GRHL2: variants seen among roughly 807,000 people sequenced by gnomAD.
GRHL2 encodes the protein grainyhead-like protein 2 homolog.
Under a neutral mutation model 83.8 loss-of-function variants are expected in GRHL2, and 21 were observed. The ratio of observed to expected loss-of-function variants is 0.25; its 90% CI spans 0.18 to 0.36. The LOEUF is 0.36. Ranked by LOEUF, GRHL2 falls within the 10% of genes least tolerant of loss-of-function variation. GRHL2 has a pLI of 1.00. For missense variants in GRHL2, 623 were observed against 781.8 expected (o/e 0.80, Z 2.42); for synonymous variants, 280 against 278.9 (o/e 1.00, Z -0.04).
chr8:101,677,221 T>TAATAAG, the GRHL2 span, among the ~76,000 whole-genome samples: 1 of 151,338 alleles, frequency 6.6e-6, no homozygotes, highest in Non-Finnish European at 1.5e-5. Context: ...ACAATAATAA[T>TAATAAG]AATAAAAATA....
the GRHL2 span, among the ~76,000 whole-genome samples, chr8:101,678,008 G>A: frequency 3.3e-5 from 5 of 151,844 alleles, no homozygotes; most frequent in South Asian, 2.1e-4. Context: ...CTGTTTCTTC[G>A]GCCACCTCAA....
intron 14 of GRHL2, among the ~76,000 whole-genome samples, chr8:101,662,930 A>G (rs1813954856): frequency 6.6e-6 from 1 of 151,682 alleles, no homozygotes. Flanking sequence ...GCAACTTGGT[A>G]TTTTCTCCTC....
chr8:101,504,200 G>A (rs1490285401), intron 1 of GRHL2, among the ~76,000 whole-genome samples: 11 of 152,256 alleles, frequency 7.2e-5, no homozygotes, highest in Middle Eastern at 3.4e-3. Flanking sequence ...GGAATGCCAC[G>A]CTGCCCTTCA....
intron 7 of GRHL2, among the ~76,000 whole-genome samples, chr8:101,582,294 A>G (rs1417380074): frequency 2.0e-5 from 3 of 152,048 alleles, no homozygotes; most frequent in Non-Finnish European, 2.9e-5. Flanking sequence ...TAACACTATT[A>G]GCCAAGGTGG....
chr8:101,657,143 G>A (rs1263462435), intron 14 of GRHL2, among the ~76,000 whole-genome samples: 1 of 152,154 alleles, frequency 6.6e-6, no homozygotes, highest in African/African-American at 2.4e-5. Context: ...GGCCACCTAG[G>A]CAGCATTTAC....
At chr8:101,551,203 T>C (rs1382568518) in intron 2 of GRHL2, among the ~76,000 whole-genome samples, 1 of 152,234 alleles carries the variant, frequency 6.6e-6, no homozygotes, top group Non-Finnish European at 1.5e-5. Flanking sequence ...ACATGAATGA[T>C]TTATAATTGA....
intron 1 of GRHL2, among the ~76,000 whole-genome samples, chr8:101,510,558 T>A (rs567389): frequency 0.98 from 149,331 of 152,268 alleles, 73,315 homozygotes; most frequent in Non-Finnish European, 1. Flanking sequence ...AAAGATTTTT[T>A]GATCATTTCC....
At chr8:101,656,298 G>A (rs1813784646) in intron 14 of GRHL2, among the ~76,000 whole-genome samples, 1 of 152,208 alleles carries the variant, frequency 6.6e-6, no homozygotes, top group Non-Finnish European at 1.5e-5. Flanking sequence ...ACTGAGTGCT[G>A]TGGGTGGTGT....
chr8:101,665,507 C>G (rs952322157), intron 15 of GRHL2, among the ~76,000 whole-genome samples: 2 of 152,146 alleles, frequency 1.3e-5, no homozygotes, highest in Admixed American at 6.5e-5. Flanking sequence ...GGAAGATTCA[C>G]TAAAATGCAC....
chr8:101,667,186 CA>C lies in GRHL2; in HGVS notation c.*484del. 1 of 204,016 alleles carries C rather than the reference CA, an allele frequency of 4.9e-6. No individual in the cohort carries two copies. The highest frequency in any genetic ancestry group is 1.0e-5 in the Non-Finnish European group (1 of 98,034). 12.6% of individuals were successfully genotyped at this position (204,016 alleles called of 1,614,324 possible). On this transcript the variant is annotated 3_prime_UTR_variant, in exon 16 of 16. Transcript: ENST00000646743. Reference sequence around the variant, plus strand: ...ATAGGTGGGGCAAGAGGTGGATGCCCACTTTCTGGTCAGACACCTTTAGGTT... The same window carrying C: ...ATAGGTGGGGCAAGAGGTGGATGCCCCTTTCTGGTCAGACACCTTTAGGTT...
At chr8:101,638,396 T>C (rs1813332265) in intron 12 of GRHL2, among the ~76,000 whole-genome samples, 1 of 152,222 alleles carries the variant, frequency 6.6e-6, no homozygotes, top group Admixed American at 6.5e-5. Flanking sequence ...AGAAGAAGAA[T>C]ATTGCATGAC....
At chr8:101,573,240 CAAAA>C (rs76573673) in intron 5 of GRHL2, among the ~76,000 whole-genome samples, 1 of 78,848 alleles carries the variant, frequency 1.3e-5, no homozygotes. Flanking sequence ...CTTGGTTAGA[CAAAA>C]AAAAAAAAAA....
chr8:101,615,065 A>G (rs1047421981), intron 8 of GRHL2, among the ~76,000 whole-genome samples: 6 of 152,226 alleles, frequency 3.9e-5, no homozygotes, highest in African/African-American at 9.6e-5. Context: ...TAGAGCTTCT[A>G]CTAAGGACCT....
intron 8 of GRHL2, among the ~76,000 whole-genome samples, chr8:101,603,873 G>A (rs191535343): frequency 1.3e-5 from 2 of 152,128 alleles, no homozygotes; most frequent in Non-Finnish European, 2.9e-5. Context: ...AATTGATGGC[G>A]GGCAGGGCCC....
chr8:101,551,912 T>C (rs1385597477), intron 2 of GRHL2, among the ~76,000 whole-genome samples: 1 of 151,186 alleles, frequency 6.6e-6, no homozygotes, highest in Non-Finnish European at 1.5e-5. Flanking sequence ...CTCGGCTCAC[T>C]GCAAGCTCCG....
At chr8:101,662,392 T>C (rs1813940136) in intron 14 of GRHL2, among the ~76,000 whole-genome samples, 1 of 152,190 alleles carries the variant, frequency 6.6e-6, no homozygotes, top group African/African-American at 2.4e-5. Flanking sequence ...TTGGGCCTTA[T>C]TAGGGGATGG....
At chr8:101,525,780 C>T (rs1191846151) in intron 1 of GRHL2, among the ~76,000 whole-genome samples, 5 of 152,114 alleles carry the variant, frequency 3.3e-5, no homozygotes. Context: ...ACCAGCCTGG[C>T]CAACATGGTA....
At chr8:101,674,212 C>T (rs902546428), downstream of GRHL2, among the ~76,000 whole-genome samples, 1 of 151,984 alleles carries the variant, frequency 6.6e-6, no homozygotes, top group African/African-American at 2.4e-5. Flanking sequence ...GAAATCAGAA[C>T]AGAACTGAAG....
chr8:101,508,068 G>A (rs1377096922), intron 1 of GRHL2, among the ~76,000 whole-genome samples: 4 of 152,074 alleles, frequency 2.6e-5, no homozygotes, highest in South Asian at 2.1e-4. Context: ...TTACAGGCGT[G>A]AGCCACCGTG....
Sources: allele counts gnomAD v4.1 joint callset (sites outside exome capture counted in the v4.1 genomes callset), GRCh38; gene constraint gnomAD v4.1.1; transcripts MANE v1.5; gene names NCBI Gene and HGNC (gene_info 2026-07-23, HGNC 2026-07-21).